The following SLIT2 variants were observed in gnomAD, a reference collection of about 807,000 sequenced individuals.
The protein encoded by SLIT2 is slit homolog 2 protein.
SLIT2 carries 41 observed loss-of-function variants against 185.7 expected under a neutral mutation model. The ratio of observed to expected loss-of-function variants is 0.22; its 90% CI spans 0.17 to 0.29. The LOEUF (loss-of-function observed/expected upper bound fraction) is 0.29, where lower values mean the gene tolerates loss of function less well. Ranked by LOEUF, SLIT2 falls within the 10% of genes least tolerant of loss-of-function variation. The probability of loss-of-function intolerance (pLI) is 1.00; values close to 1 mark genes in which losing one functional copy is unlikely to be tolerated. For synonymous variants in SLIT2, 693 were observed against 680.2 expected (o/e 1.02, Z -0.29); for missense variants, 1,571 against 1,909.0 (o/e 0.82, Z 3.30).
At chr4:20,578,890 C>G (rs2148930999) in intron 29 of SLIT2, among the ~76,000 whole-genome samples, 1 of 152,236 alleles carries the variant, frequency 6.6e-6, no homozygotes. Context: ...CAAAATGACC[C>G]ACTTTTTTGA....
intron 4 of SLIT2, among the ~76,000 whole-genome samples, chr4:20,318,250 C>A (rs902474276): frequency 1.3e-5 from 2 of 152,170 alleles, no homozygotes; most frequent in Non-Finnish European, 2.9e-5. Flanking sequence ...TCGGCCTCTG[C>A]CATTAACCCT....
rs954899386 is a variant in SLIT2 at position 20,476,871 on chromosome 4, C to G, written c.468-3845C>G. Among the ~76,000 whole-genome samples, 3 of 152,190 alleles carry G rather than the reference C, an allele frequency of 2.0e-5. 1 individual carries two copies. Among genetic ancestry groups the G allele is most frequent in the Admixed American group, 2.0e-4 (3 of 15,274 alleles). Reference sequence around the variant, plus strand: ...GTAAGCAAATGTTTAACCTTTTTGTCATTTAATATACCTATTTTTAAAACT... The same window carrying G: ...GTAAGCAAATGTTTAACCTTTTTGTGATTTAATATACCTATTTTTAAAACT... On this transcript the variant is annotated intron_variant, in intron 5 of 36. Transcript: ENST00000504154.
At chr4:20,438,625 C>T (rs988075611) in intron 4 of SLIT2, among the ~76,000 whole-genome samples, 1 of 152,194 alleles carries the variant, frequency 6.6e-6, no homozygotes, top group Non-Finnish European at 1.5e-5. Context: ...CTGGCTCCCA[C>T]ACCAGCCCTT....
At chr4:20,600,263 A>C (rs1215842875) in intron 33 of SLIT2, among the ~76,000 whole-genome samples, 2 of 152,098 alleles carry the variant, frequency 1.3e-5, no homozygotes, top group Non-Finnish European at 2.9e-5. Context: ...ATATGGCAAA[A>C]TATTTCTAAA....
At chr4:20,363,616 G>T (rs1264040034) in intron 4 of SLIT2, among the ~76,000 whole-genome samples, 1 of 151,978 alleles carries the variant, frequency 6.6e-6, no homozygotes, top group Non-Finnish European at 1.5e-5. Context: ...AAACTGCAGT[G>T]AATAAAATTA....
At chr4:20,314,424 C>CTT (rs1718395928) in intron 4 of SLIT2, among the ~76,000 whole-genome samples, 1 of 152,100 alleles carries the variant, frequency 6.6e-6, no homozygotes. Flanking sequence ...GTAAATGTAT[C>CTT]TGTAGCTATT....
chr4:20,434,531 A>G (rs1729221947), intron 4 of SLIT2, among the ~76,000 whole-genome samples: 1 of 152,164 alleles, frequency 6.6e-6, no homozygotes, highest in Non-Finnish European at 1.5e-5. Context: ...GATGGCTTTT[A>G]TAGTGTCTCA....
At chr4:20,280,734 T>A (rs957764822) in intron 4 of SLIT2, among the ~76,000 whole-genome samples, 4 of 152,148 alleles carry the variant, frequency 2.6e-5, no homozygotes, top group African/African-American at 7.2e-5. Context: ...AATTAGGTTG[T>A]GGATAAGTGA....
At chr4:20,369,421 G>T (rs1350654362) in intron 4 of SLIT2, among the ~76,000 whole-genome samples, 2 of 152,114 alleles carry the variant, frequency 1.3e-5, no homozygotes, top group African/African-American at 2.4e-5. Context: ...GCTAAATCCA[G>T]CCATTTAGCT....
At chr4:20,514,880 C>A (rs1406760732) in intron 11 of SLIT2, among the ~76,000 whole-genome samples, 2 of 151,766 alleles carry the variant, frequency 1.3e-5, no homozygotes, top group African/African-American at 4.8e-5. Flanking sequence ...AAAAAACATT[C>A]ATGTCGTTTT....
rs759622666 is a variant in SLIT2 at position 20,511,587 on chromosome 4, A to ATTTTTTTTTTTTTTTTTTTT, written c.1058+466_1058+467insTTTTTTTTTTTTTTTTTTTT. On this transcript the variant is annotated intron_variant, in intron 11 of 36. Transcript: ENST00000504154. ...AGGCGCCTGCCACCACATCCAGCTA[A>ATTTTTTTTTTTTTTTTTTTT]TTTTTTTTTTTTTTTTATTTTTGGT... Among the ~76,000 whole-genome samples the ATTTTTTTTTTTTTTTTTTTT allele has an allele frequency of 2.8e-3, 233 of 82,156 alleles. 19 individuals are homozygous for ATTTTTTTTTTTTTTTTTTTT. The highest frequency in any genetic ancestry group is 3.4e-3 in the Non-Finnish European group (155 of 45,232). The allele number at this position is 82,156 out of a possible 152,430, so 53.9% of individuals were successfully genotyped here. A position where few individuals can be genotyped will look rare whatever the true frequency, so the allele number is the denominator to read the frequency against.
intron 4 of SLIT2, among the ~76,000 whole-genome samples, chr4:20,374,002 A>C (rs189579197): frequency 1.3e-5 from 2 of 152,050 alleles, no homozygotes; most frequent in African/African-American, 4.8e-5. Context: ...TGTGAGAGAC[A>C]GTGTGTGTAG....
At chr4:20,559,895 T>C (rs1177408200) in intron 26 of SLIT2, among the ~76,000 whole-genome samples, 1 of 151,834 alleles carries the variant, frequency 6.6e-6, no homozygotes, top group East Asian at 1.9e-4. Flanking sequence ...ACTTAGAAAA[T>C]GAAAATTCTG....
chr4:20,509,442 G>A (rs533789731), intron 9 of SLIT2, among the ~76,000 whole-genome samples: 1 of 152,082 alleles, frequency 6.6e-6, no homozygotes, highest in South Asian at 2.1e-4. Flanking sequence ...GACCACTGCT[G>A]TGGACATCCC....
At chr4:20,260,780 A>T (rs995849257) in intron 3 of SLIT2, among the ~76,000 whole-genome samples, 1 of 151,918 alleles carries the variant, frequency 6.6e-6, no homozygotes, top group African/African-American at 2.4e-5. Context: ...TATAAAAGAT[A>T]GTTTTCCCTT....
At chr4:20,315,055 C>T (rs1010653175) in intron 4 of SLIT2, among the ~76,000 whole-genome samples, 15 of 151,700 alleles carry the variant, frequency 9.9e-5, no homozygotes, top group African/African-American at 3.6e-4. Flanking sequence ...TGTGATCATA[C>T]CCAAGGTTCT....
chr4:20,355,665 C>G (rs925048265), intron 4 of SLIT2, among the ~76,000 whole-genome samples: 1 of 152,142 alleles, frequency 6.6e-6, no homozygotes, highest in Non-Finnish European at 1.5e-5. Flanking sequence ...ACTGTCAACT[C>G]TAAGAAAACT....
intron 16 of SLIT2, 96 bp downstream of exon 16, chr4:20,529,195 T>A: frequency 1.1e-6 from 1 of 896,358 alleles, no homozygotes; most frequent in Non-Finnish European, 1.6e-6. Context: ...TTATTAATAA[T>A]TGCATTAATT....
chr4:20,546,590 A>G (rs1177936680), intron 22 of SLIT2, among the ~76,000 whole-genome samples: 1 of 152,116 alleles, frequency 6.6e-6, no homozygotes, highest in Non-Finnish European at 1.5e-5. Flanking sequence ...TAGAAAATCC[A>G]TATATATTCA....
Sources: allele counts gnomAD v4.1 joint callset (sites outside exome capture counted in the v4.1 genomes callset), GRCh38; gene constraint gnomAD v4.1.1; transcripts MANE v1.5; gene names NCBI Gene and HGNC (gene_info 2026-07-23, HGNC 2026-07-21).